The following PRKCE variants were observed in gnomAD, a reference collection of about 807,000 sequenced individuals.
PRKCE encodes the protein protein kinase C epsilon.
In PRKCE, 16 loss-of-function variants were observed where a neutral mutation model predicts 85.4. The observed-to-expected ratio is 0.19, with a 90% CI of 0.13 to 0.28. The LOEUF is 0.28. PRKCE is among the 10% of genes least tolerant of loss of function. The probability of loss-of-function intolerance (pLI) is 1.00; values close to 1 mark genes in which losing one functional copy is unlikely to be tolerated. For synonymous variants in PRKCE, 388 were observed against 371.5 expected, an observed-to-expected ratio of 1.04 and a Z score of -0.51; for missense variants, 573 against 975.2, an observed-to-expected ratio of 0.59 and a Z score of 5.49.
At chr2:46,164,028 G>A (rs561677987) in intron 14 of PRKCE, among the ~76,000 whole-genome samples, 4 of 152,286 alleles carry the variant, frequency 2.6e-5, no homozygotes, top group African/African-American at 9.6e-5. Context: ...GGGGCAGATT[G>A]CCATCACAAG....
chr2:46,184,715 T>C lies in PRKCE; in HGVS notation c.2068-20T>C. 6.3e-7 allele frequency: 1 copy of C among 1,598,790 alleles called. No homozygotes were observed. The highest frequency in any genetic ancestry group is 8.5e-7 in the Non-Finnish European group (1 of 1,179,442). On this transcript the variant is annotated intron_variant, in intron 14 of 14. Transcript: ENST00000306156. The surrounding 1 kb of genome is among the most constrained non-coding windows in gnomAD (Gnocchi z 5.0). Reference sequence around the variant, plus strand: ...AGGGAGAGCAGCCTCAACTCACCACTTTCTCTTTTCTTCCCACAGAAAACC... The same window carrying C: ...AGGGAGAGCAGCCTCAACTCACCACCTTCTCTTTTCTTCCCACAGAAAACC...
chr2:46,101,859 CAAAAAAAAAAAAA>C (rs56811595), intron 11 of PRKCE, among the ~76,000 whole-genome samples: 5 of 114,082 alleles, frequency 4.4e-5, no homozygotes, highest in Non-Finnish European at 8.8e-5. Context: ...AACTGGCTTT[CAAAAAAAAAAAAA>C]AAAAAAAAAA....
intron 1 of PRKCE, among the ~76,000 whole-genome samples, chr2:45,668,823 C>A (rs1191340674): frequency 6.6e-6 from 1 of 152,102 alleles, no homozygotes; most frequent in Non-Finnish European, 1.5e-5. Context: ...ATGTCACACA[C>A]ATGTAAGTAA....
chr2:45,828,742 A>G (rs1369077933), intron 1 of PRKCE, among the ~76,000 whole-genome samples: 1 of 152,148 alleles, frequency 6.6e-6, no homozygotes. Context: ...AGAGGAGTGA[A>G]CTACATAATG....
intron 1 of PRKCE, among the ~76,000 whole-genome samples, chr2:45,795,002 C>G (rs776973921): frequency 6.6e-6 from 1 of 152,178 alleles, no homozygotes; most frequent in East Asian, 1.9e-4. Flanking sequence ...TCCACTCTTT[C>G]CTTTCATCTT....
chr2:45,768,913 C>T (rs1471984828), intron 1 of PRKCE, among the ~76,000 whole-genome samples: 6 of 152,226 alleles, frequency 3.9e-5, no homozygotes, highest in Admixed American at 2.0e-4. Flanking sequence ...CATATCTCCA[C>T]GTTACCAGGA....
intron 1 of PRKCE, among the ~76,000 whole-genome samples, chr2:45,788,031 C>T (rs1686747324): frequency 6.6e-6 from 1 of 152,190 alleles, no homozygotes; most frequent in Admixed American, 6.5e-5. Context: ...CAGGATCGTT[C>T]AATAATATTC....
intron 1 of PRKCE, among the ~76,000 whole-genome samples, chr2:45,741,930 T>C (rs11887702): frequency 0.37 from 56,406 of 152,008 alleles, 10,591 homozygotes; most frequent in Admixed American, 0.42. Flanking sequence ...TGTTACCTGG[T>C]CAGCCTGAGG....
intron 1 of PRKCE, among the ~76,000 whole-genome samples, chr2:45,823,195 G>T (rs1167051979): frequency 6.6e-6 from 1 of 152,242 alleles, no homozygotes; most frequent in Non-Finnish European, 1.5e-5. Flanking sequence ...TATTGGGATA[G>T]ATTCCCAGGC....
intron 11 of PRKCE, among the ~76,000 whole-genome samples, chr2:46,117,773 T>C (rs566325948): frequency 6.6e-6 from 1 of 152,364 alleles, no homozygotes; most frequent in African/African-American, 2.4e-5. Flanking sequence ...TTGCTTATTA[T>C]TATTACTGAT....
chr2:46,123,214 CTTTTTTTTT>C (rs70937991), intron 11 of PRKCE, among the ~76,000 whole-genome samples: 1,399 of 27,384 alleles, frequency 0.051, 23 homozygotes, highest in Middle Eastern at 0.091. Context: ...AAACACTTGC[CTTTTTTTTT>C]TTTTTTTTTT....
At chr2:46,051,794 G>A (rs774832048) in intron 10 of PRKCE, among the ~76,000 whole-genome samples, 3 of 152,200 alleles carry the variant, frequency 2.0e-5, no homozygotes, top group Non-Finnish European at 4.4e-5. Context: ...AAAGAAAAGA[G>A]GTTTAATTGT....
chr2:45,865,613 G>A (rs36013601), intron 2 of PRKCE, among the ~76,000 whole-genome samples: 6,304 of 152,214 alleles, frequency 0.041, 165 homozygotes, highest in Middle Eastern at 0.082. Context: ...TGAATGAAAA[G>A]AAGGACCTTG....
At chr2:45,913,468 C>T (rs1345443726) in intron 2 of PRKCE, among the ~76,000 whole-genome samples, 1 of 152,210 alleles carries the variant, frequency 6.6e-6, no homozygotes, top group Non-Finnish European at 1.5e-5. Flanking sequence ...CGCTTGGCTC[C>T]TGGTACAGAC....
At chr2:46,032,726 G>C (rs1707613630) in intron 10 of PRKCE, among the ~76,000 whole-genome samples, 1 of 152,218 alleles carries the variant, frequency 6.6e-6, no homozygotes, top group East Asian at 1.9e-4. Flanking sequence ...AGGAAGCTGA[G>C]AGAAAGGGAT....
At chr2:45,916,111 G>C (rs139183916) in intron 2 of PRKCE, among the ~76,000 whole-genome samples, 103 of 152,176 alleles carry the variant, frequency 6.8e-4, no homozygotes, top group Middle Eastern at 3.4e-3. Context: ...GAAGGGTGTG[G>C]TGTCTGATGG....
At chr2:45,749,633 A>G (rs1318560810) in intron 1 of PRKCE, among the ~76,000 whole-genome samples, 2 of 152,266 alleles carry the variant, frequency 1.3e-5, no homozygotes, top group Non-Finnish European at 2.9e-5. Flanking sequence ...ATTAGTGATA[A>G]GCATGTTATG....
At chr2:46,178,546 A>G (rs773457853) in intron 14 of PRKCE, among the ~76,000 whole-genome samples, 3 of 152,214 alleles carry the variant, frequency 2.0e-5, no homozygotes, top group Non-Finnish European at 4.4e-5. Context: ...GTGTGTGTAA[A>G]CATATACACA....
chr2:46,117,922 A>T (rs1482875318), intron 11 of PRKCE, among the ~76,000 whole-genome samples: 3 of 152,196 alleles, frequency 2.0e-5, no homozygotes, highest in African/African-American at 7.2e-5. Flanking sequence ...GGGTCATCTG[A>T]GGTAACTCCA....
Sources: gnomAD v4.1 joint callset for allele counts (sites outside exome capture counted in the v4.1 genomes callset) on GRCh38, gnomAD v4.1.1 for gene constraint, Gnocchi (gnomAD v3.1) non-coding constraint, MANE v1.5 for transcripts, NCBI Gene and HGNC (gene_info 2026-07-23, HGNC 2026-07-21) for gene names.